The following ZNF713 variants were observed in gnomAD, a reference collection of about 807,000 sequenced individuals.
ZNF713 encodes the protein zinc finger protein 713.
In ZNF713, 21 loss-of-function variants were observed where a neutral mutation model predicts 28.7. That is an observed-to-expected ratio of 0.73 (90% CI 0.52 to 1.05). ZNF713 has a LOEUF of 1.05. Among genes scored for constraint, ZNF713 ranks in the 50% least tolerant of loss-of-function variants. The probability of loss-of-function intolerance (pLI) is 0.00; values close to 1 mark genes in which losing one functional copy is unlikely to be tolerated. For missense variants in ZNF713, 458 were observed against 532.4 expected, an observed-to-expected ratio of 0.86 and a Z score of 1.37; for synonymous variants, 167 against 178.0, an observed-to-expected ratio of 0.94 and a Z score of 0.49.
chr7:55,908,918 A>T (rs1785734509), intron 2 of ZNF713, among the ~76,000 whole-genome samples: 3 of 152,032 alleles, frequency 2.0e-5, no homozygotes, highest in African/African-American at 7.2e-5. Flanking sequence ...GGTTAAAGAT[A>T]GGGGTCCAGG....
intron 6 of ZNF713, among the ~76,000 whole-genome samples, chr7:55,925,698 T>G (rs1317351004): frequency 1.3e-5 from 2 of 152,130 alleles, no homozygotes; most frequent in African/African-American, 4.8e-5. Context: ...TGAACCAGAA[T>G]TTTCACCTAA....
chr7:55,925,438 T>G (rs1306370479), intron 6 of ZNF713, among the ~76,000 whole-genome samples: 1 of 152,060 alleles, frequency 6.6e-6, no homozygotes, highest in African/African-American at 2.4e-5. Flanking sequence ...CTGGCCAACA[T>G]GGTGAAACCC....
intron 2 of ZNF713, among the ~76,000 whole-genome samples, chr7:55,910,655 C>T (rs1366659925): frequency 6.6e-6 from 1 of 152,030 alleles, no homozygotes; most frequent in African/African-American, 2.4e-5. Flanking sequence ...GCCACCACAC[C>T]CAGCTAATTT....
rs369690331 is a variant in ZNF713 at position 55,893,709 on chromosome 7, A to G, written c.-583+6029A>G. ...ATTCTTGTGCCTCAGCCTCCCGAGT[A>G]GCTGGGATTACAGGCACCCGCCACC... On this transcript the variant is annotated intron_variant, in intron 1 of 6. Transcript: ENST00000429591. Among the ~76,000 whole-genome samples the G allele has an allele frequency of 1.4e-3, 206 of 152,194 alleles. 1 individual carries two copies. Among genetic ancestry groups the G allele is most frequent in the African/African-American group, 4.7e-3 (194 of 41,546 alleles).
intron 4 of ZNF713, chr7:55,918,035 A>G (rs968208496): frequency 2.2e-6 from 1 of 456,534 alleles, no homozygotes; most frequent in African/African-American, 2.0e-5. Context: ...CACTCATCCC[A>G]TTATAGATGT....
intron 6 of ZNF713, among the ~76,000 whole-genome samples, chr7:55,936,394 A>C (rs1786346532): frequency 6.6e-6 from 1 of 152,160 alleles, no homozygotes; most frequent in Non-Finnish European, 1.5e-5. Context: ...GGTTGAGCCA[A>C]GGTGGAATGG....
In ZNF713 at chr7:55,940,653, A is replaced by G. The variant is rs1786448777; in HGVS notation, c.*647A>G. On this transcript the variant is annotated 3_prime_UTR_variant, in exon 7 of 7. Transcript: ENST00000429591. ...CTACTCTGGAGACTGAGGCATGAGA[A>G]TGACTTGAACATGGGAGGTGGAGGT... is the stretch of plus-strand genomic sequence containing the variant. 1.3e-6 allele frequency: 1 copy of G among 748,256 alleles called. No homozygotes were observed. The highest frequency in any genetic ancestry group is 1.9e-5 in the African/African-American group (1 of 52,358). The allele number at this position is 748,256 out of a possible 1,614,324, so 46.4% of individuals were successfully genotyped here. A position where few individuals can be genotyped will look rare whatever the true frequency, so the allele number is the denominator to read the frequency against.
intron 4 of ZNF713, among the ~76,000 whole-genome samples, chr7:55,919,940 G>A (rs936305031): frequency 2.6e-5 from 4 of 151,994 alleles, no homozygotes; most frequent in African/African-American, 9.7e-5. Context: ...GGGTATACAT[G>A]CTATGAACAG....
intron 6 of ZNF713, among the ~76,000 whole-genome samples, chr7:55,930,788 C>A (rs535262754): frequency 6.6e-6 from 1 of 151,882 alleles, no homozygotes; most frequent in African/African-American, 2.4e-5. Flanking sequence ...AAACCATTGT[C>A]TGTGGATTCT....
At chr7:55,917,643 T>G (rs571278406) in intron 4 of ZNF713, among the ~76,000 whole-genome samples, 1 of 151,888 alleles carries the variant, frequency 6.6e-6, no homozygotes, top group African/African-American at 2.4e-5. Flanking sequence ...AGGTGAAGAT[T>G]GCAGTAAGCC....
At chr7:55,893,883 GGTT>G (rs1356901847) in intron 1 of ZNF713, among the ~76,000 whole-genome samples, 14 of 152,232 alleles carry the variant, frequency 9.2e-5, no homozygotes, top group African/African-American at 3.1e-4. Context: ...CCTGGCCAAG[GGTT>G]GTTGTTTCTA....
intron 4 of ZNF713, among the ~76,000 whole-genome samples, chr7:55,915,677 T>A (rs1272444991): frequency 1.3e-5 from 2 of 152,098 alleles, no homozygotes; most frequent in Non-Finnish European, 2.9e-5. Flanking sequence ...ACGGGTATAT[T>A]TGAGAAATTA....
intron 6 of ZNF713, chr7:55,923,919 A>G (rs755920733): frequency 8.4e-6 from 3 of 356,238 alleles, no homozygotes; most frequent in Non-Finnish European, 1.6e-5. Context: ...AAAAATGCAC[A>G]CAAACCAAAG....
chr7:55,938,908 C>T, intron 6 of ZNF713, 74 bp from the exon 7 acceptor site: 2 of 1,444,276 alleles, frequency 1.4e-6, no homozygotes, highest in Non-Finnish European at 1.9e-6. Context: ...ATTCGCTGTG[C>T]AACAATTTCT....
At chr7:55,923,577 T>C (rs756610750) in intron 5 of ZNF713, 30 bp from the exon 6 acceptor site, 2 of 1,549,002 alleles carry the variant, frequency 1.3e-6, no homozygotes, top group Admixed American at 3.8e-5. Flanking sequence ...CAGTACAAAC[T>C]CCTAAGATGT....
At chr7:55,895,843 A>G (rs1428179189) in intron 1 of ZNF713, among the ~76,000 whole-genome samples, 1 of 152,096 alleles carries the variant, frequency 6.6e-6, no homozygotes, top group East Asian at 1.9e-4. Context: ...GGTAGATACT[A>G]TTATTATTCC....
intron 3 of ZNF713, among the ~76,000 whole-genome samples, chr7:55,912,272 G>A (rs1785798637): frequency 6.6e-6 from 1 of 152,146 alleles, no homozygotes; most frequent in African/African-American, 2.4e-5. Context: ...AGAGTCACTT[G>A]GAGACTTTAC....
chr7:55,890,847 C>T (rs1429098943), intron 1 of ZNF713, among the ~76,000 whole-genome samples: 1 of 151,746 alleles, frequency 6.6e-6, no homozygotes, highest in East Asian at 1.9e-4. Context: ...TGGTGAAACC[C>T]CATCTCCTAA....
intron 2 of ZNF713, among the ~76,000 whole-genome samples, chr7:55,911,314 T>C (rs1785778146): frequency 1.3e-5 from 2 of 152,240 alleles, no homozygotes; most frequent in Admixed American, 1.3e-4. Context: ...CATGTGTTTT[T>C]CCATCTTTCT....
Sources: gnomAD v4.1 joint callset for allele counts (sites outside exome capture counted in the v4.1 genomes callset) on GRCh38, gnomAD v4.1.1 for gene constraint, MANE v1.5 for transcripts, NCBI Gene and HGNC (gene_info 2026-07-23, HGNC 2026-07-21) for gene names.